The following ZNF69 variants were observed in gnomAD, a reference collection of about 807,000 sequenced individuals.
ZNF69 encodes the protein zinc finger protein 69, also known as ZNF3.
A neutral mutation model predicts 50.9 loss-of-function variants in ZNF69; 47 were observed. That is an observed-to-expected ratio of 0.92 (90% CI 0.73 to 1.18). The LOEUF is 1.18. Among genes scored for constraint, ZNF69 ranks in the 50% most tolerant of loss-of-function variants. The probability of loss-of-function intolerance (pLI) is 0.00; values close to 1 mark genes in which losing one functional copy is unlikely to be tolerated. For synonymous variants in ZNF69, 216 were observed against 223.1 expected (o/e 0.97, Z 0.29); for missense variants, 717 against 675.1 (o/e 1.06, Z -0.69).
At chr19:11,936,116 A>G in the ZNF69 span, among the ~76,000 whole-genome samples, 1 of 152,198 alleles carries the variant, frequency 6.6e-6, no homozygotes. Context: ...ATTGGTGGAC[A>G]TTTGGGTTGG....
chr19:11,976,599 G>A, the ZNF69 span, among the ~76,000 whole-genome samples: 1 of 151,274 alleles, frequency 6.6e-6, no homozygotes, highest in East Asian at 1.9e-4. Context: ...AGGTGTGGTG[G>A]CTCATGCCTG....
the ZNF69 span, chr19:11,947,628 G>A: frequency 1.4e-6 from 2 of 1,462,734 alleles, no homozygotes; most frequent in East Asian, 4.5e-5. Flanking sequence ...CTTAGAATAT[G>A]AGAATATGTT....
rs1466038413 is a variant in ZNF69 at position 11,905,226 on chromosome 19, G to A, written c.829G>A (p.Glu277Lys). The A allele has an allele frequency of 1.2e-6, 2 of 1,614,116 alleles. No homozygotes were observed. Among genetic ancestry groups the A allele is most frequent in the Non-Finnish European group, 1.7e-6 (2 of 1,180,024 alleles). The change falls in exon 4 of 4, where the codon GAA (glutamate) becomes AAA (lysine). Residue 277 changes from glutamate to lysine, a missense_variant. By Grantham distance (56) the Glu-to-Lys change is moderately conservative. Coordinates refer to ENST00000429654, the MANE Select transcript of ZNF69 (RefSeq NM_001364730.1). ...ERTHTGEKPY[E>K]CQQCGKAFHS... ...AACTCACACTGGAGAAAAGCCTTAT[G>A]AATGTCAGCAATGTGGGAAAGCATT...
At chr19:11,889,776 C>CT (rs1977038149) in intron 1 of ZNF69, among the ~76,000 whole-genome samples, 1 of 152,200 alleles carries the variant, frequency 6.6e-6, no homozygotes, top group Non-Finnish European at 1.5e-5. Context: ...GCGCTGGTCT[C>CT]TGAGTTCCCT....
At chr19:11,921,798 C>T in the ZNF69 span, among the ~76,000 whole-genome samples, 1 of 152,134 alleles carries the variant, frequency 6.6e-6, no homozygotes. Context: ...CCACTGCGCC[C>T]GGCCCTGAAA....
chr19:11,907,639 AC>A (rs1405333341), downstream of ZNF69, among the ~76,000 whole-genome samples: 1 of 152,216 alleles, frequency 6.6e-6, no homozygotes, highest in African/African-American at 2.4e-5. Flanking sequence ...TTTTGTCACC[AC>A]CAGGCCTGCT....
the ZNF69 span, among the ~76,000 whole-genome samples, chr19:11,942,263 A>G: frequency 9.9e-5 from 15 of 151,452 alleles, no homozygotes; most frequent in Admixed American, 7.9e-4. Context: ...TTGGCTAGCT[A>G]TCTGCCTTCT....
chr19:11,925,434 G>C, the ZNF69 span, among the ~76,000 whole-genome samples: 1 of 152,174 alleles, frequency 6.6e-6, no homozygotes, highest in Non-Finnish European at 1.5e-5. Flanking sequence ...GCCGCTGGAC[G>C]GGGCTGGGCC....
chr19:11,949,432 G>A, the ZNF69 span: 1 of 1,613,194 alleles, frequency 6.2e-7, no homozygotes. Context: ...GACTCATACT[G>A]GAGAGAAACC....
chr19:11,960,251 C>T, the ZNF69 span, among the ~76,000 whole-genome samples: 1 of 152,188 alleles, frequency 6.6e-6, no homozygotes, highest in African/African-American at 2.4e-5. Context: ...ATCTCTTGAA[C>T]TCGTGATCTG....
chr19:11,908,443 G>T (rs910499712), downstream of ZNF69, among the ~76,000 whole-genome samples: 2 of 152,168 alleles, frequency 1.3e-5, no homozygotes, highest in Non-Finnish European at 2.9e-5. Flanking sequence ...CTCAGCAAAT[G>T]TAGAAGAATA....
the ZNF69 span, among the ~76,000 whole-genome samples, chr19:11,957,512 A>G: frequency 6.6e-6 from 1 of 152,096 alleles, no homozygotes; most frequent in Non-Finnish European, 1.5e-5. Flanking sequence ...ATAAATACAT[A>G]AAGTGGGGTT....
downstream of ZNF69, among the ~76,000 whole-genome samples, chr19:11,907,604 C>T (rs1214970137): frequency 6.6e-6 from 1 of 152,086 alleles, no homozygotes; most frequent in African/African-American, 2.4e-5. Flanking sequence ...AAATAAAATC[C>T]TTTACAGATT....
chr19:11,897,349 AAAAAATAAAAAT>A (rs1296776096), intron 1 of ZNF69, among the ~76,000 whole-genome samples: 2 of 152,144 alleles, frequency 1.3e-5, no homozygotes, highest in Admixed American at 6.6e-5. Flanking sequence ...CTCCATCTCA[AAAAAATAAAAAT>A]AAAAATAAAA....
chr19:11,897,743 G>A (rs1271987186), intron 1 of ZNF69, among the ~76,000 whole-genome samples: 10 of 150,914 alleles, frequency 6.6e-5, no homozygotes, highest in Non-Finnish European at 1.0e-4. Flanking sequence ...GTGGTGGTGG[G>A]CGCCTGTAGT....
the ZNF69 span, among the ~76,000 whole-genome samples, chr19:11,959,200 T>C: frequency 6.6e-6 from 1 of 152,176 alleles, no homozygotes; most frequent in African/African-American, 2.4e-5. Context: ...TCTGAGAATT[T>C]TGTTTTATGA....
the ZNF69 span, among the ~76,000 whole-genome samples, chr19:11,944,143 C>T: frequency 3.9e-5 from 6 of 152,088 alleles, no homozygotes; most frequent in East Asian, 1.2e-3. Flanking sequence ...GGGCGTTTCT[C>T]GTTTACCTAG....
chr19:11,974,131 TTTCTTTC>T, the ZNF69 span, among the ~76,000 whole-genome samples: 15 of 95,332 alleles, frequency 1.6e-4, no homozygotes, highest in African/African-American at 7.8e-4. Flanking sequence ...CTTTCTTTTC[TTTCTTTC>T]TTTCTTTCTT....
chr19:11,964,999 C>G, the ZNF69 span: 2 of 560,396 alleles, frequency 3.6e-6, no homozygotes, highest in Non-Finnish European at 3.2e-6. Context: ...CGGGGCAGGG[C>G]CCTGCCCATT....
Sources: gnomAD v4.1 joint callset for allele counts (sites outside exome capture counted in the v4.1 genomes callset) on GRCh38, gnomAD v4.1.1 for gene constraint, MANE v1.5 for transcripts, NCBI Gene and HGNC (gene_info 2026-07-23, HGNC 2026-07-21) for gene names.